DDIAS: variants seen among roughly 807,000 people sequenced by gnomAD.
DDIAS encodes the protein DNA damage-induced apoptosis suppressor protein.
A neutral mutation model predicts 15.7 loss-of-function variants in DDIAS; 14 were observed. That is an observed-to-expected ratio of 0.89 (90% confidence interval 0.59 to 1.39). The LOEUF is 1.39. Ranked by LOEUF, DDIAS falls within the 40% of genes most tolerant of loss-of-function variation. DDIAS has a pLI of 0.00. For missense variants in DDIAS, 1,035 were observed against 1,130.9 expected (o/e 0.92, Z 1.22); for synonymous variants, 355 against 395.9 (o/e 0.90, Z 1.23).
At chr11:82,902,106 C>T (rs1258394621) in intron 1 of DDIAS, among the ~76,000 whole-genome samples, 4 of 152,144 alleles carry the variant, frequency 2.6e-5, no homozygotes, top group Non-Finnish European at 5.9e-5. Flanking sequence ...GAGGAAAAGG[C>T]GCGACTCTTG....
In DDIAS at chr11:82,934,555, T is replaced by G; in HGVS notation, c.*220T>G. ...TTAGGTAGTTGAGCACTTTATCTTA[T>G]ACTGTTTATTGTACTTTAATAATAT... On this transcript the variant is annotated 3_prime_UTR_variant, in exon 6 of 6. Coordinates refer to ENST00000533655, the MANE Select transcript of DDIAS (RefSeq NM_145018.4). 1 of 441,114 alleles carries G rather than the reference T, an allele frequency of 2.3e-6. No homozygotes were observed. The highest frequency in any genetic ancestry group is 3.9e-6 in the Non-Finnish European group (1 of 253,402). The allele number at this position is 441,114 out of a possible 1,614,324, so 27.3% of individuals were successfully genotyped here.
intron 3 of DDIAS, among the ~76,000 whole-genome samples, chr11:82,918,171 C>T (rs1309820852): frequency 6.6e-6 from 1 of 152,102 alleles, no homozygotes; most frequent in Non-Finnish European, 1.5e-5. Flanking sequence ...ATTGCATTTG[C>T]TTTTGGGTAC....
chr11:82,919,571 TG>T (rs1860701645), intron 3 of DDIAS, among the ~76,000 whole-genome samples: 1 of 152,356 alleles, frequency 6.6e-6, no homozygotes, highest in Middle Eastern at 3.4e-3. Flanking sequence ...TTTTTGCTTA[TG>T]TCCTTTCCTG....
rs766759775 is a variant in DDIAS, at chr11:82,932,942, C to T, written c.1604C>T (p.Pro535Leu). The change falls in exon 6 of 6, where the codon CCG becomes CTG. Residue 535 changes from proline (P) to leucine (L), a missense_variant. Pro to Leu is a moderately conservative substitution (Grantham distance 98). Coordinates refer to ENST00000533655, the MANE Select transcript of DDIAS (RefSeq NM_145018.4). ...AGAGATATGTCAGAATATTTTTTACCGAATCCTTACCTGTCAGCTCTGTCT... is the reference window on the plus strand; with the variant it reads ...AGAGATATGTCAGAATATTTTTTACTGAATCCTTACCTGTCAGCTCTGTCT... ...NGRDMSEYFL[P>L]NPYLSALSSS... 9 of 1,611,462 alleles carry T rather than the reference C, an allele frequency of 5.6e-6. No homozygotes were observed. The highest frequency in any genetic ancestry group is 1.3e-5 in the African/African-American group (1 of 74,960).
Position 82,933,161 on chromosome 11 carries a change from A to T in DDIAS, c.1823A>T (p.Lys608Ile), listed in dbSNP as rs1278942137. The T allele has an allele frequency of 6.2e-7, 1 of 1,610,872 alleles. No homozygotes were observed. Among genetic ancestry groups the T allele is most frequent in the Admixed American group, 1.7e-5 (1 of 59,834 alleles). Reference sequence around the variant, plus strand: ...TATAATGATGTCTCTGATCTTTGCAAATTAGAAAATAAACAATATTGTAGG... The same window carrying T: ...TATAATGATGTCTCTGATCTTTGCATATTAGAAAATAAACAATATTGTAGG... ...RKYNDVSDLC[K>I]LENKQYCRWS... The change falls in exon 6 of 6, where the codon AAA becomes ATA. Residue 608 changes from lysine (K) to isoleucine (I), a missense_variant. Coordinates refer to ENST00000533655, the MANE Select transcript of DDIAS (RefSeq NM_145018.4).
chr11:82,906,309 C>G (rs752222084), intron 1 of DDIAS, among the ~76,000 whole-genome samples: 27 of 152,240 alleles, frequency 1.8e-4, no homozygotes, highest in Non-Finnish European at 3.5e-4. Context: ...CCTTTCATTA[C>G]AGTTCTCAAA....
intron 5 of DDIAS, 146 bp downstream of exon 5, chr11:82,930,420 G>T: frequency 1.8e-6 from 1 of 570,958 alleles, no homozygotes; most frequent in Non-Finnish European, 2.9e-6. Context: ...GCCTATAGGT[G>T]GTCTGTTAAA....
chr11:82,903,175 G>T (rs557180631), intron 1 of DDIAS, among the ~76,000 whole-genome samples: 29 of 152,376 alleles, frequency 1.9e-4, no homozygotes, highest in African/African-American at 6.7e-4. Flanking sequence ...TGTATGAGAT[G>T]AGTCTGGAAA....
At position 82,914,810 on chromosome 11, in the gene DDIAS, A is replaced by G. The variant is rs745412190; in HGVS notation, c.72A>G (p.Ser24=). 10 of 1,608,262 alleles carry G rather than the reference A, an allele frequency of 6.2e-6. No homozygotes were observed. The highest frequency in any genetic ancestry group is 8.5e-6 in the Non-Finnish European group (10 of 1,175,262). The change falls in exon 3 of 6, where the codon TCA becomes TCG. Residue 24 remains serine (S), a synonymous_variant. Coordinates refer to ENST00000533655, the MANE Select transcript of DDIAS (RefSeq NM_145018.4). ...ALQNSSFIYP[S]CQKCFSRIIL... The stretch of plus-strand genomic sequence containing the variant: ...AGAATTCAAGTTTTATATATCCATC[A>G]TGTCAGAAGTGCTTCTCTAGGATAA...
Position 82,931,834 on chromosome 11 carries a change from G to C in DDIAS, c.496G>C (p.Val166Leu), listed in dbSNP as rs781294605. The C allele has an allele frequency of 3.1e-6, 5 of 1,614,166 alleles. No individual in the cohort carries two copies. In the South Asian group the frequency reaches 5.5e-5, roughly 18 times the overall value. ...KAKALVACQIVLPDPGIAGFT... is the reference protein window; with the variant it reads ...KAKALVACQILLPDPGIAGFT... ...CAAAGCACTAGTGGCTTGCCAGATTGTTCTACCAGACCCAGGTATTGCAGG... is the reference window on the plus strand; with the variant it reads ...CAAAGCACTAGTGGCTTGCCAGATTCTTCTACCAGACCCAGGTATTGCAGG... The change falls in exon 6 of 6, where the codon GTT (valine) becomes CTT (leucine). Residue 166 changes from valine (V) to leucine (L), a missense_variant. By Grantham distance (32) the Val-to-Leu change is conservative (BLOSUM62 1). Transcript: ENST00000533655.
chr11:82,926,407 TAAA>T (rs1009783669), intron 3 of DDIAS, among the ~76,000 whole-genome samples: 1 of 151,720 alleles, frequency 6.6e-6, no homozygotes, highest in South Asian at 2.1e-4. Flanking sequence ...TATTTTTGAA[TAAA>T]AAAAATAGAT....
At chr11:82,924,177 T>C (rs1860810870) in intron 3 of DDIAS, among the ~76,000 whole-genome samples, 1 of 152,208 alleles carries the variant, frequency 6.6e-6, no homozygotes, top group African/African-American at 2.4e-5. Flanking sequence ...TCTTACTTTG[T>C]GGGGGAAGTG....
intron 3 of DDIAS, among the ~76,000 whole-genome samples, chr11:82,927,519 TTTCTGTTTGCC>T (rs1183119605): frequency 1.9e-4 from 29 of 152,360 alleles, no homozygotes; most frequent in African/African-American, 6.7e-4. Context: ...TTCACCTTGC[TTTCTGTTTGCC>T]TTTTGCCACT....
At position 82,934,297 on chromosome 11, in the gene DDIAS, G is replaced by A. The variant is rs1015055113; in HGVS notation, c.2959G>A (p.Glu987Lys). The A allele has an allele frequency of 1.0e-5, 16 of 1,602,524 alleles. No individual in the cohort carries two copies. In the African/African-American group the frequency reaches 2.2e-4, roughly 22 times the overall value. ...FSEKGPPSVCETRSAWSPELF... is the reference protein window; with the variant it reads ...FSEKGPPSVCKTRSAWSPELF... ...AGAAAAAGGCCCACCTTCAGTGTGT[G>A]AAACTCGAAGTGCTTGGTCACCTGA... Residue 987 changes from glutamate (E) to lysine (K), a missense_variant, in exon 6 of 6, where the codon GAA becomes AAA. Transcript: ENST00000533655.
chr11:82,912,802 T>C (rs923180358), intron 1 of DDIAS, among the ~76,000 whole-genome samples: 3 of 152,230 alleles, frequency 2.0e-5, no homozygotes, highest in Non-Finnish European at 4.4e-5. Context: ...TGTTTCTGTC[T>C]TTTATTTTAA....
At chr11:82,928,741 T>C in intron 3 of DDIAS, 36 bp from the exon 4 acceptor site, 1 of 1,599,556 alleles carries the variant, frequency 6.3e-7, no homozygotes, top group South Asian at 1.1e-5. Context: ...AAACATTTAA[T>C]GAACATCTCC....
chr11:82,929,982 G>T (rs1860949571), intron 4 of DDIAS, among the ~76,000 whole-genome samples, 175 bp from the exon 5 acceptor site: 1 of 152,128 alleles, frequency 6.6e-6, no homozygotes, highest in African/African-American at 2.4e-5. Flanking sequence ...TGGTTTTGTT[G>T]ATTTTTCTGT....
In DDIAS at chr11:82,932,014, T is replaced by A. The variant is rs778766062; in HGVS notation, c.676T>A (p.Phe226Ile). 3 of 1,614,180 alleles carry A rather than the reference T, an allele frequency of 1.9e-6. No homozygotes were observed. Among genetic ancestry groups the A allele is most frequent in the Non-Finnish European group, 2.5e-6 (3 of 1,180,030 alleles). Residue 226 changes from phenylalanine to isoleucine, a missense_variant, in exon 6 of 6, where the codon TTT (phenylalanine) becomes ATT (isoleucine). By Grantham distance (21) the Phe-to-Ile change is conservative. Coordinates refer to ENST00000533655, the MANE Select transcript of DDIAS (RefSeq NM_145018.4). ...SIYTSDSTSDFFKSCSKDTFS... is the reference protein window; with the variant it reads ...SIYTSDSTSDIFKSCSKDTFS... The stretch of plus-strand genomic sequence containing the variant: ...ATATACTTCTGACAGCACTTCTGAT[T>A]TTTTCAAGTCCTGCAGCAAGGATAC...
chr11:82,923,146 G>A (rs1860791851), intron 3 of DDIAS, among the ~76,000 whole-genome samples: 1 of 152,116 alleles, frequency 6.6e-6, no homozygotes, highest in African/African-American at 2.4e-5. Flanking sequence ...GGTCCTCTTG[G>A]GATTCCTGGT....
Sources: allele counts gnomAD v4.1 joint callset (sites outside exome capture counted in the v4.1 genomes callset), GRCh38; gene constraint gnomAD v4.1.1; transcripts MANE v1.5; gene names NCBI Gene and HGNC (gene_info 2026-07-23, HGNC 2026-07-21).